Variants in SECISBP2L observed in about 807,000 individuals in gnomAD.
SECISBP2L encodes SECIS binding protein 2 like.
In SECISBP2L, 43 loss-of-function variants were observed where a neutral mutation model predicts 114.7. The ratio of observed to expected loss-of-function variants is 0.38; its 90% CI spans 0.29 to 0.48. SECISBP2L has a LOEUF of 0.48. Among genes scored for constraint, SECISBP2L ranks in the 20% least tolerant of loss-of-function variants. The probability of loss-of-function intolerance (pLI) is 0.98; values close to 1 mark genes in which losing one functional copy is unlikely to be tolerated. For synonymous variants in SECISBP2L, 451 were observed against 439.7 expected (o/e 1.03, Z -0.32); for missense variants, 1,136 against 1,301.1 (o/e 0.87, Z 1.95).
intron 14 of SECISBP2L, among the ~76,000 whole-genome samples, chr15:49,004,344 G>C (rs931502917): frequency 6.6e-6 from 1 of 151,664 alleles, no homozygotes; most frequent in Non-Finnish European, 1.5e-5. Context: ...TATTAGTCTG[G>C]CTAGCAGTCT....
At chr15:48,993,911 T>C (rs1902039231) in intron 17 of SECISBP2L, among the ~76,000 whole-genome samples, 1 of 152,148 alleles carries the variant, frequency 6.6e-6, no homozygotes, top group Non-Finnish European at 1.5e-5. Flanking sequence ...ATTTGCAGTT[T>C]ATAGGTATAA....
chr15:49,010,230 T>A (rs1356968802), intron 13 of SECISBP2L, among the ~76,000 whole-genome samples: 2 of 151,600 alleles, frequency 1.3e-5, no homozygotes, highest in Non-Finnish European at 2.9e-5. Context: ...TTTTTTTTTT[T>A]AAACAATCTA....
Position 49,031,535 on chromosome 15 carries a change from G to A in SECISBP2L, c.664+1430C>T, listed in dbSNP as rs565764860. 1.2e-3 allele frequency among the ~76,000 whole-genome samples: 186 copies of A among 152,020 alleles called. 1 individual carries two copies. Among genetic ancestry groups the A allele is most frequent in the Non-Finnish European group, 2.1e-3 (146 of 67,986 alleles). On this transcript the variant is annotated intron_variant, in intron 4 of 17. Coordinates refer to ENST00000559471, the MANE Select transcript of SECISBP2L (RefSeq NM_001193489.2). ...TTATTATAAACTCTTATTAAATAAT[G>A]AGCTTGTGTTCAAATGTAAAAATCT...
chr15:49,017,159 C>T (rs1045124619), intron 9 of SECISBP2L, 144 bp from the exon 10 acceptor site: 5 of 764,904 alleles, frequency 6.5e-6, no homozygotes, highest in Non-Finnish European at 8.0e-6. Context: ...CAGGATTTGA[C>T]AGTGGGACCA....
rs192608616 is a variant in SECISBP2L, at chr15:49,039,499, T to C, written c.25-1730A>G. Among the ~76,000 whole-genome samples, 3 of 151,808 alleles carry C rather than the reference T, an allele frequency of 2.0e-5. No individual in the cohort carries two copies. In the East Asian group the frequency reaches 5.8e-4, roughly 29 times the overall value. On this transcript the variant is annotated intron_variant, in intron 1 of 17. Transcript: ENST00000559471. ...TCACAGTTTAACTGCACTAAAAATG[T>C]AATTTTTAGGATTTCTTTTTTTTTT...
chr15:49,031,917 G>C (rs1376601894), intron 4 of SECISBP2L, among the ~76,000 whole-genome samples: 1 of 152,056 alleles, frequency 6.6e-6, no homozygotes, highest in Non-Finnish European at 1.5e-5. Context: ...AGAAAACTTA[G>C]TAATATATTA....
chr15:49,004,812 C>T (rs749376037), intron 14 of SECISBP2L, among the ~76,000 whole-genome samples: 19 of 152,292 alleles, frequency 1.2e-4, no homozygotes, highest in Non-Finnish European at 2.2e-4. Context: ...GTTACAATTT[C>T]CATTCTTCTG....
At chr15:49,027,900 T>C (rs1035654833) in intron 6 of SECISBP2L, among the ~76,000 whole-genome samples, 1 of 152,146 alleles carries the variant, frequency 6.6e-6, no homozygotes, top group Non-Finnish European at 1.5e-5. Flanking sequence ...TGAGCCACCT[T>C]ACCCGGCCCT....
At chr15:49,045,771 G>C (rs1156937286) in intron 1 of SECISBP2L, among the ~76,000 whole-genome samples, 4 of 152,100 alleles carry the variant, frequency 2.6e-5, no homozygotes, top group Non-Finnish European at 4.4e-5. Context: ...TTTCTTAAAA[G>C]AAACACCTCC....
intron 16 of SECISBP2L, 106 bp from the exon 17 acceptor site, chr15:48,996,692 A>C: frequency 1.1e-6 from 1 of 884,986 alleles, no homozygotes; most frequent in Non-Finnish European, 1.7e-6. Context: ...AGACACTTTC[A>C]ATGAGGACAA....
Position 49,010,724 on chromosome 15 carries a change from C to A in SECISBP2L, c.1864+1007G>T, listed in dbSNP as rs112017000. ...ACAGGGTTTTGCCTTGTTGTCCAGG[C>A]TGGTCTCAAACTCCTGAGCTCAAGT... On this transcript the variant is annotated intron_variant, in intron 13 of 17. Coordinates refer to ENST00000559471, the MANE Select transcript of SECISBP2L (RefSeq NM_001193489.2). 3.1e-3 allele frequency among the ~76,000 whole-genome samples: 477 copies of A among 152,250 alleles called. 1 individual carries two copies. The highest frequency in any genetic ancestry group is 0.011 in the African/African-American group (453 of 41,544).
At position 48,991,970 on chromosome 15, in the gene SECISBP2L, AT is replaced by A. The variant is rs1425317932; in HGVS notation, c.*273del. ...TCTTTTAAGTAAGCATTTGAAATTT[AT>A]TTTCTTTAAGATCTGGTCTTCTTTT... On this transcript the variant is annotated 3_prime_UTR_variant, in exon 18 of 18. Transcript: ENST00000559471. 1 of 299,278 alleles carries A rather than the reference AT, an allele frequency of 3.3e-6. No homozygotes were observed. Among genetic ancestry groups the A allele is most frequent in the Non-Finnish European group, 6.1e-6 (1 of 162,844 alleles). 18.5% of individuals were successfully genotyped at this position (299,278 alleles called of 1,614,324 possible). A position where few individuals can be genotyped will look rare whatever the true frequency, so the allele number is the denominator to read the frequency against.
intron 16 of SECISBP2L, among the ~76,000 whole-genome samples, chr15:48,999,312 T>C (rs1033136789): frequency 3.1e-5 from 3 of 98,100 alleles, no homozygotes; most frequent in Admixed American, 1.9e-4. Flanking sequence ...TTGATAACCA[T>C]TACATTATCA....
chr15:48,992,857 G>C lies in SECISBP2L; in HGVS notation c.2693C>G (p.Ser898Cys), dbSNP rs762146040. ...LEASENEKEV[S>C]CKHSTSEKPS... ...TTTTTCAGAAGTGCTGTGCTTACAG[G>C]ATACCTCTTTCTCATTTTCTGATGC... is the stretch of plus-strand genomic sequence containing the variant. Residue 898 changes from serine to cysteine, a missense_variant, in exon 18 of 18, where the codon TCC becomes TGC. Physicochemically the swap from Ser to Cys is moderately radical, Grantham distance 112 (BLOSUM62 -1). Around this residue, in one of 2 missense-constraint regions of SECISBP2L, gnomAD observed 684 missense variants for 848.7 expected, o/e 0.81. Transcript: ENST00000559471. The C allele has an allele frequency of 8.1e-6, 13 of 1,614,178 alleles. No individual in the cohort carries two copies. The highest frequency in any genetic ancestry group is 1.1e-5 in the Non-Finnish European group (13 of 1,180,032).
chr15:49,017,539 GTTAC>G lies in SECISBP2L; in HGVS notation c.1251+5_1251+8del. Reference sequence around the variant, plus strand: ...TATATTTTGCTTTTCTTTTTAAAGAGTTACTTACTACTTTAGAAGAAAGTTTTTG... The same window carrying G: ...TATATTTTGCTTTTCTTTTTAAAGAGTTACTACTTTAGAAGAAAGTTTTTG... On this transcript the variant is annotated splice_donor_5th_base_variant and intron_variant, in intron 9 of 17. Coordinates refer to ENST00000559471, the MANE Select transcript of SECISBP2L (RefSeq NM_001193489.2). 6 of 1,537,264 alleles carry G rather than the reference GTTAC, an allele frequency of 3.9e-6. No homozygotes were observed. Among genetic ancestry groups the G allele is most frequent in the African/African-American group, 2.7e-5 (2 of 72,956 alleles).
chr15:48,999,521 G>A (rs1449103708), intron 16 of SECISBP2L, among the ~76,000 whole-genome samples: 12 of 151,880 alleles, frequency 7.9e-5, no homozygotes, highest in Admixed American at 2.0e-4. Flanking sequence ...ATTACATTAC[G>A]TAATATCAGA....
chr15:49,027,758 A>G (rs2141079061), intron 6 of SECISBP2L, among the ~76,000 whole-genome samples: 1 of 151,982 alleles, frequency 6.6e-6, no homozygotes, highest in African/African-American at 2.4e-5. Flanking sequence ...ACAGGCGCTC[A>G]CCACCACGTC....
chr15:49,026,759 G>A (rs564750938), intron 7 of SECISBP2L, among the ~76,000 whole-genome samples: 28 of 152,216 alleles, frequency 1.8e-4, no homozygotes, highest in African/African-American at 6.7e-4. Flanking sequence ...AATCCAAGAA[G>A]GCCATCTGAA....
At chr15:49,024,680 A>C (rs538057716) in intron 7 of SECISBP2L, among the ~76,000 whole-genome samples, 89 of 152,344 alleles carry the variant, frequency 5.8e-4, no homozygotes, top group Middle Eastern at 3.4e-3. Context: ...CATACAGGTC[A>C]ATATTTATTT....
Sources: gnomAD v4.1 joint callset for allele counts (sites outside exome capture counted in the v4.1 genomes callset) on GRCh38, gnomAD v4.1.1 for gene constraint, gnomAD v4.1.1 regional missense constraint, MANE v1.5 for transcripts, NCBI Gene and HGNC (gene_info 2026-07-23, HGNC 2026-07-21) for gene names.